Variants in PPP2R2B observed in about 807,000 individuals in gnomAD.
PPP2R2B encodes the protein serine/threonine-protein phosphatase 2A 55 kDa regulatory subunit B beta isoform.
PPP2R2B carries 5 observed loss-of-function variants against 46.0 expected under a neutral mutation model. That is an observed-to-expected ratio of 0.11 (90% CI 0.06 to 0.23). The LOEUF (loss-of-function observed/expected upper bound fraction) is 0.23, where lower values mean the gene tolerates loss of function less well. PPP2R2B is among the 10% of genes least tolerant of loss of function. PPP2R2B has a pLI of 1.00. For missense variants in PPP2R2B, 367 were observed against 575.0 expected (o/e 0.64, Z 3.70); for synonymous variants, 215 against 206.7 (o/e 1.04, Z -0.34).
intron 2 of PPP2R2B, among the ~76,000 whole-genome samples, chr5:146,734,585 C>T (rs1752427609): frequency 6.6e-6 from 1 of 152,048 alleles, no homozygotes. Flanking sequence ...GTTTTGGTAC[C>T]AGTATTACCC....
At position 146,585,611 on chromosome 5, in the gene PPP2R2B, C is replaced by T. The variant is rs1008876039; in HGVS notation, c.*4336G>A. 7 of 152,174 alleles carry T rather than the reference C, an allele frequency of 4.6e-5. No individual in the cohort carries two copies. The highest frequency in any genetic ancestry group is 7.4e-5 in the Non-Finnish European group (5 of 68,020). The allele number at this position is 152,174 out of a possible 1,614,324, so 9.4% of individuals were successfully genotyped here. A position where few individuals can be genotyped will look rare whatever the true frequency, so the allele number is the denominator to read the frequency against. On this transcript the variant is annotated 3_prime_UTR_variant, in exon 10 of 10. Coordinates refer to ENST00000394411, the MANE Select transcript of PPP2R2B (RefSeq NM_181675.4). ...GAGTCCTGGTTCCATCTCTCTCGGG[C>T]TTTGTGCCCTTGGCTAGGTTGACAA...
At chr5:146,926,501 C>T (rs1188022311) in intron 1 of PPP2R2B, among the ~76,000 whole-genome samples, 5 of 152,172 alleles carry the variant, frequency 3.3e-5, no homozygotes, top group Admixed American at 2.0e-4. Flanking sequence ...ATGCCATTCT[C>T]CTGCCTCAGC....
At chr5:147,062,379 A>G (rs554554898) in intron 2 of PPP2R2B, among the ~76,000 whole-genome samples, 1 of 152,352 alleles carries the variant, frequency 6.6e-6, no homozygotes, top group Non-Finnish European at 1.5e-5. Flanking sequence ...CCAAATCTAT[A>G]TTCATCTGAG....
chr5:146,853,446 A>G (rs1474025192), intron 2 of PPP2R2B, among the ~76,000 whole-genome samples: 2 of 152,158 alleles, frequency 1.3e-5, no homozygotes, highest in East Asian at 3.9e-4. Context: ...TCTAAGTTAA[A>G]CTTGTCTGTT....
intron 5 of PPP2R2B, among the ~76,000 whole-genome samples, chr5:146,668,111 A>T (rs1044833189): frequency 6.6e-6 from 1 of 152,336 alleles, no homozygotes; most frequent in Middle Eastern, 3.4e-3. Flanking sequence ...AACAGAGCTC[A>T]TCTCATTCCT....
At chr5:146,905,312 C>T (rs1409840681) in intron 1 of PPP2R2B, among the ~76,000 whole-genome samples, 1 of 152,196 alleles carries the variant, frequency 6.6e-6, no homozygotes, top group Non-Finnish European at 1.5e-5. Context: ...TCTCAATCTA[C>T]TCCTCTCCTG....
chr5:146,669,460 G>A (rs1561817775), intron 5 of PPP2R2B, among the ~76,000 whole-genome samples: 1 of 151,784 alleles, frequency 6.6e-6, no homozygotes, highest in African/African-American at 2.4e-5. Context: ...TGTTTGCATA[G>A]TTTATATTCT....
intron 2 of PPP2R2B, among the ~76,000 whole-genome samples, chr5:146,856,308 A>G (rs1488220114): frequency 6.6e-6 from 1 of 152,196 alleles, no homozygotes; most frequent in Non-Finnish European, 1.5e-5. Context: ...TATGCTTCCT[A>G]TGTACAATAA....
intron 2 of PPP2R2B, among the ~76,000 whole-genome samples, chr5:147,067,499 C>T (rs1757449587): frequency 6.6e-6 from 1 of 152,110 alleles, no homozygotes; most frequent in Admixed American, 6.6e-5. Context: ...CTTTCTTTTT[C>T]CAGGCCAAGT....
intron 2 of PPP2R2B, among the ~76,000 whole-genome samples, chr5:146,746,490 G>A (rs991752400): frequency 4.6e-5 from 7 of 152,152 alleles, no homozygotes; most frequent in Non-Finnish European, 1.0e-4. Flanking sequence ...TATTCCAGAG[G>A]AGAAAGGAAC....
chr5:146,662,334 C>T (rs1463543859), intron 5 of PPP2R2B, among the ~76,000 whole-genome samples: 1 of 152,154 alleles, frequency 6.6e-6, no homozygotes, highest in Non-Finnish European at 1.5e-5. Flanking sequence ...TTCTGCCTCC[C>T]ACCAACAGAT....
upstream of PPP2R2B, among the ~76,000 whole-genome samples, chr5:147,060,405 TCA>T (rs1422763396): frequency 2.2e-4 from 34 of 152,116 alleles, no homozygotes; most frequent in Admixed American, 2.2e-3. Flanking sequence ...AGTGGGCAGA[TCA>T]CTTGAACTCA....
At chr5:146,991,576 T>C (rs897640895) in intron 1 of PPP2R2B, among the ~76,000 whole-genome samples, 6 of 152,260 alleles carry the variant, frequency 3.9e-5, no homozygotes, top group Non-Finnish European at 7.4e-5. Flanking sequence ...AAAGAAGATT[T>C]TGAATGTTGT....
rs892419883 is a variant in PPP2R2B, at chr5:146,878,645, T to G, written c.-179A>C. 9 of 1,249,418 alleles carry G rather than the reference T, an allele frequency of 7.2e-6. 1 individual carries two copies. The highest frequency in any genetic ancestry group is 9.3e-6 in the Non-Finnish European group (9 of 967,550). 77.4% of individuals were successfully genotyped at this position (1,249,418 alleles called of 1,614,324 possible). A position where few individuals can be genotyped will look rare whatever the true frequency, so the allele number is the denominator to read the frequency against. On this transcript the variant is annotated 5_prime_UTR_variant, in exon 1 of 10. Transcript: ENST00000394411. The surrounding 1 kb of genome is among the most constrained non-coding windows in gnomAD (Gnocchi z 4.5). ...GGAGGGCGGCTCCGGCAGGCGGGGG[T>G]AGGGAAGCTGGCGGGGAGCTGGGCA...
chr5:146,694,861 C>T (rs1381651079), intron 4 of PPP2R2B, among the ~76,000 whole-genome samples: 1 of 151,962 alleles, frequency 6.6e-6, no homozygotes, highest in Non-Finnish European at 1.5e-5. Context: ...ATATGGCATA[C>T]TTAGTTTACA....
intron 1 of PPP2R2B, among the ~76,000 whole-genome samples, chr5:146,912,666 G>A (rs1162504277): frequency 6.6e-6 from 1 of 151,738 alleles, no homozygotes; most frequent in Non-Finnish European, 1.5e-5. Flanking sequence ...CACCATGCCT[G>A]GCTAATTTTT....
chr5:146,683,234 G>A (rs1778289822), intron 5 of PPP2R2B, among the ~76,000 whole-genome samples: 1 of 152,170 alleles, frequency 6.6e-6, no homozygotes, highest in Non-Finnish European at 1.5e-5. Context: ...CAAGGCACCA[G>A]TAACTTTTAC....
intron 1 of PPP2R2B, among the ~76,000 whole-genome samples, chr5:146,957,748 A>G (rs1197336102): frequency 3.9e-5 from 6 of 152,134 alleles, no homozygotes; most frequent in Non-Finnish European, 8.8e-5. Context: ...CTATGGTAAC[A>G]CTATATCTTG....
chr5:146,814,405 C>A (rs890924723), intron 2 of PPP2R2B, among the ~76,000 whole-genome samples: 6 of 152,142 alleles, frequency 3.9e-5, no homozygotes, highest in African/African-American at 1.2e-4. Flanking sequence ...GCAACACACA[C>A]CAGGAATGTC....
Sources: gnomAD v4.1 joint callset for allele counts (sites outside exome capture counted in the v4.1 genomes callset) on GRCh38, gnomAD v4.1.1 for gene constraint, Gnocchi (gnomAD v3.1) non-coding constraint, MANE v1.5 for transcripts, NCBI Gene and HGNC (gene_info 2026-07-23, HGNC 2026-07-21) for gene names.